MAP2K6: variants seen among roughly 807,000 people sequenced by gnomAD.
The protein encoded by MAP2K6 is mitogen-activated protein kinase kinase 6.
Under a neutral mutation model 53.7 loss-of-function variants are expected in MAP2K6, and 16 were observed. The ratio of observed to expected loss-of-function variants is 0.30; its 90% CI spans 0.20 to 0.45. MAP2K6 has a LOEUF of 0.45. MAP2K6 is among the 20% of genes least tolerant of loss of function. The pLI, the probability that MAP2K6 is intolerant of heterozygous loss-of-function variation, is 1.00. For missense variants in MAP2K6, 204 were observed against 411.9 expected (o/e 0.50, Z 4.37); for synonymous variants, 132 against 143.1 (o/e 0.92, Z 0.55).
At chr17:69,528,560 C>CA (rs1243022630) in intron 10 of MAP2K6, among the ~76,000 whole-genome samples, 1 of 151,442 alleles carries the variant, frequency 6.6e-6, no homozygotes, top group African/African-American at 2.4e-5. Flanking sequence ...AAGGTCACAT[C>CA]AAAAAAAGGG....
At chr17:69,540,320 C>G (rs951468691) in intron 11 of MAP2K6, among the ~76,000 whole-genome samples, 4 of 152,184 alleles carry the variant, frequency 2.6e-5, no homozygotes, top group Non-Finnish European at 2.9e-5. Flanking sequence ...CATTTAGCTA[C>G]TCAACTGGTC....
Position 69,549,591 on chromosome 17 carries a change from C to T in MAP2K6, c.*7838C>T, listed in dbSNP as rs1163594217. 6.6e-6 allele frequency: 1 copy of T among 152,064 alleles called. No individual in the cohort carries two copies. The highest frequency in any genetic ancestry group is 1.5e-5 in the Non-Finnish European group (1 of 68,002). The allele number at this position is 152,064 out of a possible 1,614,324, so 9.4% of individuals were successfully genotyped here. A position where few individuals can be genotyped will look rare whatever the true frequency, so the allele number is the denominator to read the frequency against. ...TTTTGTATCAGGCTGCCTAAATGAACCCTATTGTTTCCAGTTCTTAAAAAT... is the reference window on the plus strand; with the variant it reads ...TTTTGTATCAGGCTGCCTAAATGAATCCTATTGTTTCCAGTTCTTAAAAAT... On this transcript the variant is annotated 3_prime_UTR_variant, in exon 12 of 12. Coordinates refer to ENST00000590474, the MANE Select transcript of MAP2K6 (RefSeq NM_002758.4).
At chr17:69,446,932 G>T (rs954145517) in intron 1 of MAP2K6, among the ~76,000 whole-genome samples, 6 of 149,304 alleles carry the variant, frequency 4.0e-5, no homozygotes, top group Non-Finnish European at 8.9e-5. Flanking sequence ...ACTTGATGTT[G>T]TGGATGATTT....
intron 1 of MAP2K6, among the ~76,000 whole-genome samples, chr17:69,476,093 C>G (rs1033779417): frequency 1.3e-5 from 2 of 152,020 alleles, no homozygotes; most frequent in African/African-American, 4.8e-5. Flanking sequence ...TTTATGATTT[C>G]TAAAATATGC....
intron 2 of MAP2K6, among the ~76,000 whole-genome samples, chr17:69,508,525 T>C (rs919222338): frequency 6.6e-5 from 10 of 152,374 alleles, no homozygotes; most frequent in East Asian, 1.9e-4. Context: ...TTGAGAGTTA[T>C]TTGTATATTC....
At position 69,436,832 on chromosome 17, in the gene MAP2K6, T is replaced by A. The variant is rs567918566; in HGVS notation, c.16+21832T>A. Among the ~76,000 whole-genome samples, 135 of 151,042 alleles carry A rather than the reference T, an allele frequency of 8.9e-4. 1 individual carries two copies. Among genetic ancestry groups the A allele is most frequent in the African/African-American group, 3.2e-3 (133 of 41,180 alleles). ...TTTCTTTTCTTTTCTTTTATTTATT[T>A]ATTTTTTTAGACACTGTCTCACTCT... On this transcript the variant is annotated intron_variant, in intron 1 of 11. Coordinates refer to ENST00000590474, the MANE Select transcript of MAP2K6 (RefSeq NM_002758.4).
At chr17:69,437,891 T>C (rs1906698820) in intron 1 of MAP2K6, among the ~76,000 whole-genome samples, 1 of 152,274 alleles carries the variant, frequency 6.6e-6, no homozygotes, top group Non-Finnish European at 1.5e-5. Context: ...GGTTCATCCA[T>C]GTTGTAGCAT....
intron 1 of MAP2K6, among the ~76,000 whole-genome samples, chr17:69,471,055 A>G (rs1400082869): frequency 6.6e-6 from 1 of 152,258 alleles, no homozygotes; most frequent in Non-Finnish European, 1.5e-5. Context: ...GTTTTTCAAT[A>G]TAATAACTTC....
At chr17:69,495,333 T>A (rs1162291026) in intron 1 of MAP2K6, among the ~76,000 whole-genome samples, 1 of 151,996 alleles carries the variant, frequency 6.6e-6, no homozygotes, top group Non-Finnish European at 1.5e-5. Flanking sequence ...CCTTCCAGGT[T>A]CAAGTGATTC....
Position 69,548,189 on chromosome 17 carries a change from TTAAA to T in MAP2K6, c.*6438_*6441del, listed in dbSNP as rs1911950571. Reference sequence around the variant, plus strand: ...AAGTGAGAGGAGTACTTCTCTTTTTTTAAATCATCAGTAAATTTCAATTTTAAGG... The same window carrying T: ...AAGTGAGAGGAGTACTTCTCTTTTTTTCATCAGTAAATTTCAATTTTAAGG... On this transcript the variant is annotated 3_prime_UTR_variant, in exon 12 of 12. Transcript: ENST00000590474. 6.6e-6 allele frequency: 1 copy of T among 152,202 alleles called. No individual in the cohort carries two copies. Among genetic ancestry groups the T allele is most frequent in the Admixed American group, 6.5e-5 (1 of 15,270 alleles). 9.4% of individuals were successfully genotyped at this position (152,202 alleles called of 1,614,324 possible).
intron 1 of MAP2K6, among the ~76,000 whole-genome samples, chr17:69,458,510 T>C (rs1315364794): frequency 6.6e-6 from 1 of 152,208 alleles, no homozygotes; most frequent in Non-Finnish European, 1.5e-5. Context: ...TTTAACTCTT[T>C]AGTTGTCTCT....
chr17:69,416,592 G>GTA (rs1156293233), intron 1 of MAP2K6, among the ~76,000 whole-genome samples: 1 of 152,100 alleles, frequency 6.6e-6, no homozygotes, highest in Non-Finnish European at 1.5e-5. Flanking sequence ...ATGTATGTGT[G>GTA]TATATATATG....
rs1033651906 is a variant in MAP2K6 at position 69,544,877 on chromosome 17, C to G, written c.*3124C>G. ...TTTGCCACTCCTCTTTCAGAAAAGG[C>G]TTTAGAATCCACTCCCTCCTCTGAG... On this transcript the variant is annotated 3_prime_UTR_variant, in exon 12 of 12. Coordinates refer to ENST00000590474, the MANE Select transcript of MAP2K6 (RefSeq NM_002758.4). 6 of 152,136 alleles carry G rather than the reference C, an allele frequency of 3.9e-5. No individual in the cohort carries two copies. The highest frequency in any genetic ancestry group is 3.3e-4 in the Admixed American group (5 of 15,276). The allele number at this position is 152,136 out of a possible 1,614,324, so 9.4% of individuals were successfully genotyped here. A position where few individuals can be genotyped will look rare whatever the true frequency, so the allele number is the denominator to read the frequency against.
At chr17:69,430,670 A>C (rs569307697) in intron 1 of MAP2K6, among the ~76,000 whole-genome samples, 5 of 152,202 alleles carry the variant, frequency 3.3e-5, no homozygotes, top group Non-Finnish European at 5.9e-5. Flanking sequence ...ACCTGTACAC[A>C]GCTCTCTAAG....
In MAP2K6 at chr17:69,438,574, A is replaced by G. The variant is rs560089692; in HGVS notation, c.16+23574A>G. On this transcript the variant is annotated intron_variant, in intron 1 of 11. Coordinates refer to ENST00000590474, the MANE Select transcript of MAP2K6 (RefSeq NM_002758.4). ...TTTTTTTGTACATCCTCTGAGCTAA[A>G]ATTGTTGATACTTTTATTTTTTTTC... Among the ~76,000 whole-genome samples, 139 of 152,042 alleles carry G rather than the reference A, an allele frequency of 9.1e-4. 1 individual carries two copies. Among genetic ancestry groups the G allele is most frequent in the African/African-American group, 3.3e-3 (137 of 41,496 alleles).
At chr17:69,438,556 G>A (rs1200862504) in intron 1 of MAP2K6, among the ~76,000 whole-genome samples, 5 of 151,884 alleles carry the variant, frequency 3.3e-5, no homozygotes, top group Non-Finnish European at 7.4e-5. Context: ...GCATTTTTTT[G>A]TACATCCTCT....
chr17:69,521,387 A>G, intron 7 of MAP2K6: 1 of 322,334 alleles, frequency 3.1e-6, no homozygotes, highest in Non-Finnish European at 5.6e-6. Flanking sequence ...TTTAGAGAAT[A>G]TGATAAAAAT....
chr17:69,455,413 A>G (rs149669614), intron 1 of MAP2K6, among the ~76,000 whole-genome samples: 20 of 152,296 alleles, frequency 1.3e-4, no homozygotes, highest in Non-Finnish European at 2.5e-4. Flanking sequence ...AGCTCTAAAT[A>G]TCATGATGTA....
At chr17:69,471,735 A>T (rs138733274) in intron 1 of MAP2K6, among the ~76,000 whole-genome samples, 1 of 152,354 alleles carries the variant, frequency 6.6e-6, no homozygotes, top group East Asian at 1.9e-4. Flanking sequence ...TCCATAAATA[A>T]TTCATATGTT....
Sources: allele counts gnomAD v4.1 joint callset (sites outside exome capture counted in the v4.1 genomes callset), GRCh38; gene constraint gnomAD v4.1.1; transcripts MANE v1.5; gene names NCBI Gene and HGNC (gene_info 2026-07-23, HGNC 2026-07-21).